The following NUP155 variants were observed in gnomAD, a reference collection of about 807,000 sequenced individuals.
NUP155 encodes the protein nuclear pore complex protein Nup155.
Under a neutral mutation model 180.4 loss-of-function variants are expected in NUP155, and 71 were observed. The ratio of observed to expected loss-of-function variants is 0.39; its 90% confidence interval spans 0.33 to 0.48. NUP155 has a LOEUF of 0.48. Ranked by LOEUF, NUP155 falls within the 20% of genes least tolerant of loss-of-function variation. The probability of loss-of-function intolerance (pLI) is 0.91; values close to 1 mark genes in which losing one functional copy is unlikely to be tolerated. For missense variants in NUP155, 1,553 were observed against 1,648.9 expected, an observed-to-expected ratio of 0.94 and a Z score of 1.01; for synonymous variants, 582 against 559.5, an observed-to-expected ratio of 1.04 and a Z score of -0.57.
intron 10 of NUP155, among the ~76,000 whole-genome samples, chr5:37,342,115 T>A (rs767056799): frequency 6.6e-6 from 1 of 152,184 alleles, no homozygotes; most frequent in Non-Finnish European, 1.5e-5. Flanking sequence ...CTCAGCTCAC[T>A]GTAGCCTCAA....
At position 37,328,398 on chromosome 5, in the gene NUP155, A is replaced by G; in HGVS notation, c.1836T>C (p.Ser612=). 2.5e-6 allele frequency: 4 copies of G among 1,607,786 alleles called. No individual in the cohort carries two copies. The highest frequency in any genetic ancestry group is 3.4e-6 in the Non-Finnish European group (4 of 1,174,282). The change falls in exon 17 of 35, where the codon AGT becomes AGC. Residue 612 remains serine, a synonymous_variant. Coordinates refer to ENST00000231498, the MANE Select transcript of NUP155 (RefSeq NM_153485.3). ...VYSSSPVPSG[S]PYPNPSFLGT... is the part of the protein sequence containing the mutation. ...CCAAAAAGGATGGATTTGGATAGGGACTACCACTAGGAACAGGAGAACCTA... is the reference window on the plus strand; with the variant it reads ...CCAAAAAGGATGGATTTGGATAGGGGCTACCACTAGGAACAGGAGAACCTA...
rs1201897130 is a variant in NUP155, at chr5:37,296,002, AG to A, written c.3794-1538del. 4.4e-3 allele frequency among the ~76,000 whole-genome samples: 347 copies of A among 79,552 alleles called. 3 individuals are homozygous for A. Among genetic ancestry groups the A allele is most frequent in the African/African-American group, 0.015 (304 of 19,614 alleles). The allele number at this position is 79,552 out of a possible 152,430, so 52.2% of individuals were successfully genotyped here. ...CCAGCCGCCCCATCCGGGAGGGAGG[AG>A]GGGGGGGTCAGCCCCCCGCCCGGCC... On this transcript the variant is annotated intron_variant, in intron 32 of 34. Coordinates refer to ENST00000231498, the MANE Select transcript of NUP155 (RefSeq NM_153485.3).
At chr5:37,367,994 G>A (rs1747712792) in intron 1 of NUP155, among the ~76,000 whole-genome samples, 1 of 152,120 alleles carries the variant, frequency 6.6e-6, no homozygotes, top group South Asian at 2.1e-4. Context: ...ACGTTGGTCA[G>A]GCTGGTCTTG....
intron 1 of NUP155, 25 bp from the exon 2 acceptor site, chr5:37,364,409 A>T: frequency 6.2e-7 from 1 of 1,606,230 alleles, no homozygotes; most frequent in South Asian, 1.1e-5. Flanking sequence ...TGAAGTATTT[A>T]TAATAATGTA....
Position 37,324,090 on chromosome 5 carries a change from G to C in NUP155, c.2109C>G (p.Pro703=). The change falls in exon 20 of 35, where the codon CCC becomes CCG. Residue 703 remains proline, a synonymous_variant. Transcript: ENST00000231498. The stretch of plus-strand genomic sequence containing the variant: ...GTAGCACTGACTCTAGCAGTTGGCA[G>C]GGAACACTACTTTCAATCTGTAAAA... ...REITAIESSV[P]CQLLESVLQE... 1.2e-6 allele frequency: 2 copies of C among 1,612,304 alleles called. No homozygotes were observed. The highest frequency in any genetic ancestry group is 1.7e-6 in the Non-Finnish European group (2 of 1,178,492).
chr5:37,312,783 T>C (rs1399939544), intron 22 of NUP155, among the ~76,000 whole-genome samples: 1 of 152,234 alleles, frequency 6.6e-6, no homozygotes, highest in East Asian at 1.9e-4. Flanking sequence ...TGAGCCGTGA[T>C]CATGCCACTG....
intron 3 of NUP155, among the ~76,000 whole-genome samples, chr5:37,358,941 C>A (rs377154693): frequency 6.7e-6 from 1 of 149,362 alleles, no homozygotes; most frequent in African/African-American, 2.5e-5. Flanking sequence ...CACTTGAACC[C>A]GGGAGGCAGA....
intron 8 of NUP155, 85 bp downstream of exon 8, chr5:37,349,087 A>T: frequency 5.5e-6 from 2 of 363,818 alleles, no homozygotes; most frequent in Non-Finnish European, 1.0e-5. Context: ...CACAGTTCAT[A>T]GGAAAAATTT....
At chr5:37,329,391 G>A (rs1433543642) in intron 15 of NUP155, 113 bp from the exon 16 acceptor site, 4 of 773,322 alleles carry the variant, frequency 5.2e-6, no homozygotes, top group Middle Eastern at 2.3e-4. Context: ...AAACATTAGA[G>A]ACTTCAATGT....
chr5:37,364,907 A>T (rs1747457122), intron 1 of NUP155, among the ~76,000 whole-genome samples: 1 of 151,720 alleles, frequency 6.6e-6, no homozygotes, highest in African/African-American at 2.4e-5. Context: ...AAAGGCTAGG[A>T]TTACAGGTGT....
intron 18 of NUP155, among the ~76,000 whole-genome samples, chr5:37,326,804 AC>A (rs1186513179): frequency 1.3e-5 from 2 of 152,212 alleles, no homozygotes; most frequent in African/African-American, 4.8e-5. Context: ...GACACATGTC[AC>A]TGAGTTATGG....
At position 37,328,397 on chromosome 5, in the gene NUP155, G is replaced by C. The variant is rs1316612503; in HGVS notation, c.1837C>G (p.Pro613Ala). 1.9e-6 allele frequency: 3 copies of C among 1,607,878 alleles called. No homozygotes were observed. The highest frequency in any genetic ancestry group is 3.3e-5 in the Admixed American group (2 of 59,990). Reference sequence around the variant, plus strand: ...CCCAAAAAGGATGGATTTGGATAGGGACTACCACTAGGAACAGGAGAACCT... The same window carrying C: ...CCCAAAAAGGATGGATTTGGATAGGCACTACCACTAGGAACAGGAGAACCT... ...YSSSPVPSGS[P>A]YPNPSFLGTP... Residue 613 changes from proline (P) to alanine (A), a missense_variant, in exon 17 of 35, where the codon CCC becomes GCC. By Grantham distance (27) the Pro-to-Ala change is conservative. Transcript: ENST00000231498.
chr5:37,364,499 ATAT>A, intron 1 of NUP155, 115 bp from the exon 2 acceptor site: 1 of 880,376 alleles, frequency 1.1e-6, no homozygotes, highest in African/African-American at 1.7e-5. Flanking sequence ...TACAGAGAGA[ATAT>A]TCTAGTTTTG....
chr5:37,293,774 T>C (rs1037461703), intron 33 of NUP155, among the ~76,000 whole-genome samples: 1 of 117,162 alleles, frequency 8.5e-6, no homozygotes, highest in Non-Finnish European at 1.6e-5. Flanking sequence ...CCGAGGCGGG[T>C]GGATCATGAG....
intron 21 of NUP155, among the ~76,000 whole-genome samples, chr5:37,317,347 G>A (rs1308199230): frequency 2.0e-5 from 3 of 151,760 alleles, no homozygotes; most frequent in African/African-American, 7.3e-5. Context: ...AATTAGCCGG[G>A]CGTGGTGGCA....
intron 1 of NUP155, among the ~76,000 whole-genome samples, chr5:37,369,420 T>C (rs1279339348): frequency 6.6e-6 from 1 of 152,182 alleles, no homozygotes; most frequent in Non-Finnish European, 1.5e-5. Context: ...ATATGCTAAA[T>C]TCTCTGTAAT....
At chr5:37,353,573 C>T (rs1427941640) in intron 4 of NUP155, among the ~76,000 whole-genome samples, 1 of 151,884 alleles carries the variant, frequency 6.6e-6, no homozygotes, top group Non-Finnish European at 1.5e-5. Context: ...CAGAGTGAGA[C>T]TCCATCTCAA....
At chr5:37,350,523 C>A (rs1746385783) in intron 6 of NUP155, among the ~76,000 whole-genome samples, 2 of 152,124 alleles carry the variant, frequency 1.3e-5, no homozygotes, top group South Asian at 4.1e-4. Flanking sequence ...CAGTTATGGG[C>A]TGGGCACAGT....
chr5:37,367,849 T>C (rs559102111), intron 1 of NUP155, among the ~76,000 whole-genome samples: 47 of 152,268 alleles, frequency 3.1e-4, no homozygotes, highest in Middle Eastern at 6.8e-3. Flanking sequence ...AGTGGCGCGA[T>C]CTCGGCTCAC....
Sources: gnomAD v4.1 joint callset for allele counts (sites outside exome capture counted in the v4.1 genomes callset) on GRCh38, gnomAD v4.1.1 for gene constraint, MANE v1.5 for transcripts, NCBI Gene and HGNC (gene_info 2026-07-23, HGNC 2026-07-21) for gene names.